The following NR3C1 variants were observed in gnomAD, a reference collection of about 807,000 sequenced individuals.
The protein encoded by NR3C1 is glucocorticoid receptor.
Under a neutral mutation model 74.0 loss-of-function variants are expected in NR3C1, and 14 were observed. The ratio of observed to expected loss-of-function variants is 0.19; its 90% confidence interval spans 0.12 to 0.30. The LOEUF (loss-of-function observed/expected upper bound fraction) is 0.30. Among genes scored for constraint, NR3C1 ranks in the 10% least tolerant of loss-of-function variants. NR3C1 has a pLI of 1.00. For missense variants in NR3C1, 695 were observed against 909.8 expected (o/e 0.76, Z 3.04); for synonymous variants, 308 against 332.5 (o/e 0.93, Z 0.80).
chr5:143,355,005 A>G (rs1830890274), intron 2 of NR3C1, among the ~76,000 whole-genome samples: 1 of 152,122 alleles, frequency 6.6e-6, no homozygotes, highest in Admixed American at 6.6e-5. Context: ...AGTTTGATAT[A>G]TTGAGAGAAT....
intron 2 of NR3C1, among the ~76,000 whole-genome samples, chr5:143,344,600 C>T (rs1038804109): frequency 1.3e-5 from 2 of 152,284 alleles, no homozygotes; most frequent in East Asian, 1.9e-4. Context: ...TGACTGGGCG[C>T]GGTAGCTCAC....
chr5:143,300,907 G>C lies in NR3C1; in HGVS notation c.1469-144C>G. ...TTAGCAATTATGATAAAGTGACATG[G>C]AAAAGGAGAAAAAACTTTTTTTTTT... On this transcript the variant is annotated intron_variant, in intron 4 of 8. Transcript: ENST00000394464. The surrounding 1 kb of genome is among the most constrained non-coding windows in gnomAD (Gnocchi z 5.2). The C allele has an allele frequency of 1.0e-6, 1 of 973,782 alleles. No individual in the cohort carries two copies. The highest frequency in any genetic ancestry group is 1.5e-6 in the Non-Finnish European group (1 of 688,448). The allele number at this position is 973,782 out of a possible 1,614,324, so 60.3% of individuals were successfully genotyped here. A position where few individuals can be genotyped will look rare whatever the true frequency, so the allele number is the denominator to read the frequency against.
Position 143,280,489 on chromosome 5 carries a change from T to C in NR3C1, c.*1400A>G, listed in dbSNP as rs1812927277. Reference sequence around the variant, plus strand: ...CTTAGTAAATATGTTAAGTTTTGAGTTTACAGAAAGTTGGTAAGGTGCACA... The same window carrying C: ...CTTAGTAAATATGTTAAGTTTTGAGCTTACAGAAAGTTGGTAAGGTGCACA... On this transcript the variant is annotated 3_prime_UTR_variant, in exon 9 of 9. Transcript: ENST00000394464. 1 of 152,584 alleles carries C rather than the reference T, an allele frequency of 6.6e-6. No homozygotes were observed. Among genetic ancestry groups the C allele is most frequent in the South Asian group, 2.1e-4 (1 of 4,836 alleles). The allele number at this position is 152,584 out of a possible 1,614,324, so 9.5% of individuals were successfully genotyped here. A position where few individuals can be genotyped will look rare whatever the true frequency, so the allele number is the denominator to read the frequency against.
chr5:143,402,439 A>G (rs1048138994), intron 1 of NR3C1, among the ~76,000 whole-genome samples: 2 of 152,244 alleles, frequency 1.3e-5, no homozygotes, highest in African/African-American at 4.8e-5. Context: ...ACTTGTAAAA[A>G]TCGCAGCACA....
Position 143,310,087 on chromosome 5 carries a change from T to C in NR3C1, c.1468+10A>G. 6.3e-7 allele frequency: 1 copy of C among 1,595,938 alleles called. No homozygotes were observed. The stretch of plus-strand genomic sequence containing the variant: ...AGAGACAAACAATTGCTTTCAGATA[T>C]TTATATTACCTTCCAGGTTCATTCC... On this transcript the variant is annotated intron_variant, in intron 4 of 8. Transcript: ENST00000394464.
intron 1 of NR3C1, among the ~76,000 whole-genome samples, chr5:143,424,055 A>C (rs775392931): frequency 3.5e-5 from 1 of 28,442 alleles, no homozygotes; most frequent in Non-Finnish European, 6.4e-5. Flanking sequence ...CACTCTGGGG[A>C]CTGTTGTGGG....
chr5:143,336,872 G>A (rs1279961088), intron 2 of NR3C1, among the ~76,000 whole-genome samples: 31 of 151,720 alleles, frequency 2.0e-4, no homozygotes, highest in Non-Finnish European at 2.5e-4. Flanking sequence ...CTAGCTACTC[G>A]GGTTGCTGAG....
At chr5:143,307,426 T>G (rs141919131) in intron 4 of NR3C1, among the ~76,000 whole-genome samples, 1 of 152,198 alleles carries the variant, frequency 6.6e-6, no homozygotes, top group African/African-American at 2.4e-5. Flanking sequence ...TACTTTGTAG[T>G]TGATATATCT....
At chr5:143,287,407 T>C (rs1187318387) in intron 7 of NR3C1, among the ~76,000 whole-genome samples, 2 of 152,096 alleles carry the variant, frequency 1.3e-5, no homozygotes, top group East Asian at 3.8e-4. Flanking sequence ...ATGCCCAAGT[T>C]AGACAACTCA....
At position 143,314,188 on chromosome 5, in the gene NR3C1, G is replaced by C. The variant is rs1561543450; in HGVS notation, c.1185-20C>G. 1 of 1,612,328 alleles carries C rather than the reference G, an allele frequency of 6.2e-7. No individual in the cohort carries two copies. Among genetic ancestry groups the C allele is most frequent in the African/African-American group, 1.3e-5 (1 of 74,876 alleles). ...CTGGGGCTAAAGAAGGGGAAGAACA[G>C]TGTTATGATTTAACTGTCAAAGGAA... On this transcript the variant is annotated intron_variant, in intron 2 of 8. Transcript: ENST00000394464.
intron 7 of NR3C1, among the ~76,000 whole-genome samples, chr5:143,292,223 T>TAAAC (rs1225221419): frequency 6.6e-6 from 1 of 152,182 alleles, no homozygotes; most frequent in East Asian, 1.9e-4. Context: ...AAGAGCTCCT[T>TAAAC]AAACAGCTTG....
At chr5:143,342,501 A>AATG (rs1828435115) in intron 2 of NR3C1, among the ~76,000 whole-genome samples, 1 of 152,212 alleles carries the variant, frequency 6.6e-6, no homozygotes, top group African/African-American at 2.4e-5. Flanking sequence ...ATGACATATC[A>AATG]ATGACATTTA....
At chr5:143,417,041 T>C (rs967677955) in intron 1 of NR3C1, among the ~76,000 whole-genome samples, 1 of 152,150 alleles carries the variant, frequency 6.6e-6, no homozygotes, top group Non-Finnish European at 1.5e-5. Context: ...AGAAATGTCT[T>C]ACGTAGTTTT....
At chr5:143,336,527 C>A (rs1827153713) in intron 2 of NR3C1, among the ~76,000 whole-genome samples, 1 of 151,996 alleles carries the variant, frequency 6.6e-6, no homozygotes, top group African/African-American at 2.4e-5. Context: ...GGCTCAAAAA[C>A]TGGGGGTAAA....
chr5:143,335,878 C>T (rs751902042), intron 2 of NR3C1, among the ~76,000 whole-genome samples: 24 of 152,174 alleles, frequency 1.6e-4, no homozygotes, highest in Non-Finnish European at 2.9e-4. Flanking sequence ...ACTGGAAAGC[C>T]GATGGACAAC....
At chr5:143,428,881 G>A (rs1751671923) in intron 1 of NR3C1, among the ~76,000 whole-genome samples, 1 of 152,084 alleles carries the variant, frequency 6.6e-6, no homozygotes, top group Non-Finnish European at 1.5e-5. Context: ...AGGTCCCTGG[G>A]GCACACCCTG....
rs146736030 is a variant in NR3C1, at chr5:143,302,665, T to A, written c.1469-1902A>T. 3.2e-3 allele frequency among the ~76,000 whole-genome samples: 485 copies of A among 152,192 alleles called. 4 individuals are homozygous for A. Among genetic ancestry groups the A allele is most frequent in the African/African-American group, 0.011 (459 of 41,568 alleles). On this transcript the variant is annotated intron_variant, in intron 4 of 8. Transcript: ENST00000394464. ...CTCACTACTTATATATAGTTCTAAA[T>A]GAGAAAACTGATGTTTTTCAATACA... is the stretch of plus-strand genomic sequence containing the variant.
chr5:143,364,073 G>A (rs1484292770), intron 2 of NR3C1, among the ~76,000 whole-genome samples: 1 of 151,998 alleles, frequency 6.6e-6, no homozygotes, highest in Non-Finnish European at 1.5e-5. Flanking sequence ...GACTAATAAA[G>A]TACACACCTA....
intron 1 of NR3C1, among the ~76,000 whole-genome samples, chr5:143,423,598 C>A (rs1421268090): frequency 6.6e-6 from 1 of 152,134 alleles, no homozygotes; most frequent in Non-Finnish European, 1.5e-5. Context: ...ACCCAGCAAT[C>A]CCACTGCTGG....
Sources: gnomAD v4.1 joint callset for allele counts (sites outside exome capture counted in the v4.1 genomes callset) on GRCh38, gnomAD v4.1.1 for gene constraint, Gnocchi (gnomAD v3.1) non-coding constraint, MANE v1.5 for transcripts, NCBI Gene and HGNC (gene_info 2026-07-23, HGNC 2026-07-21) for gene names.